Variants in AGBL4 observed in about 807,000 individuals in gnomAD.
The protein encoded by AGBL4 is AGBL carboxypeptidase 4, also known as cytosolic carboxypeptidase 6.
AGBL4 carries 58 observed loss-of-function variants against 66.4 expected under a neutral mutation model. The ratio of observed to expected loss-of-function variants is 0.87; its 90% CI spans 0.71 to 1.09. AGBL4 has a LOEUF of 1.09. Among genes scored for constraint, AGBL4 ranks in the 50% least tolerant of loss-of-function variants. AGBL4 has a pLI of 0.00. For synonymous variants in AGBL4, 234 were observed against 222.9 expected (o/e 1.05, Z -0.44); for missense variants, 579 against 631.0 (o/e 0.92, Z 0.88).
intron 3 of AGBL4, among the ~76,000 whole-genome samples, chr1:49,415,837 A>G (rs184972224): frequency 1.7e-4 from 26 of 152,182 alleles, no homozygotes; most frequent in Non-Finnish European, 3.7e-4. Flanking sequence ...TAATTTGCTG[A>G]AAGTCAGAAG....
chr1:49,957,096 A>G (rs945076692), intron 1 of AGBL4, among the ~76,000 whole-genome samples: 4 of 152,168 alleles, frequency 2.6e-5, no homozygotes, highest in Admixed American at 6.6e-5. Flanking sequence ...TATTACAATG[A>G]TCCAAGTGTA....
At chr1:48,769,098 A>G (rs1030694226) in intron 6 of AGBL4, among the ~76,000 whole-genome samples, 3 of 152,206 alleles carry the variant, frequency 2.0e-5, no homozygotes, top group Admixed American at 6.5e-5. Context: ...AGACTACAGT[A>G]GAAAACCTTA....
At chr1:49,738,130 A>C (rs1379108209) in intron 2 of AGBL4, among the ~76,000 whole-genome samples, 1 of 152,238 alleles carries the variant, frequency 6.6e-6, no homozygotes, top group African/African-American at 2.4e-5. Context: ...CGGGAAGAGA[A>C]AGGGATTAGG....
intron 1 of AGBL4, among the ~76,000 whole-genome samples, chr1:49,953,645 C>CATTTCAG (rs1215556544): frequency 6.6e-6 from 1 of 151,502 alleles, no homozygotes; most frequent in Non-Finnish European, 1.5e-5. Context: ...CTCAATGGAA[C>CATTTCAG]ATTTCAGATT....
intron 3 of AGBL4, among the ~76,000 whole-genome samples, chr1:49,409,795 G>A (rs1482877199): frequency 6.6e-6 from 1 of 152,068 alleles, no homozygotes; most frequent in Admixed American, 6.5e-5. Flanking sequence ...ATGAACAAAA[G>A]TTTCCATTTT....
At chr1:49,555,570 C>CCAAT (rs1450428076) in intron 3 of AGBL4, among the ~76,000 whole-genome samples, 7 of 149,120 alleles carry the variant, frequency 4.7e-5, no homozygotes, top group African/African-American at 1.7e-4. Context: ...TGTAAATGCA[C>CCAAT]CAATCAGTGC....
intron 3 of AGBL4, among the ~76,000 whole-genome samples, chr1:49,651,125 G>T (rs1194349051): frequency 6.6e-6 from 1 of 152,176 alleles, no homozygotes; most frequent in African/African-American, 2.4e-5. Flanking sequence ...AGCCAGAGAG[G>T]TTTATTTCAA....
intron 3 of AGBL4, among the ~76,000 whole-genome samples, chr1:49,582,707 T>G (rs2148885404): frequency 1.3e-5 from 2 of 152,340 alleles, no homozygotes; most frequent in Middle Eastern, 6.8e-3. Flanking sequence ...AGTGTCTTAC[T>G]ATAGCCACTT....
At chr1:48,856,292 A>T (rs1417926127) in intron 6 of AGBL4, among the ~76,000 whole-genome samples, 1 of 152,238 alleles carries the variant, frequency 6.6e-6, no homozygotes, top group African/African-American at 2.4e-5. Context: ...AAAAAGATGT[A>T]TATAAAACTT....
At chr1:48,895,033 C>T (rs565364966) in intron 5 of AGBL4, among the ~76,000 whole-genome samples, 16 of 152,288 alleles carry the variant, frequency 1.1e-4, no homozygotes, top group East Asian at 1.9e-4. Context: ...ACTTAGCAGA[C>T]GTACCTGGGC....
intron 3 of AGBL4, among the ~76,000 whole-genome samples, chr1:49,454,316 A>G (rs1646343227): frequency 6.6e-6 from 1 of 151,780 alleles, no homozygotes; most frequent in South Asian, 2.1e-4. Context: ...GAATGAAGTT[A>G]AAAGGAAGCT....
intron 3 of AGBL4, among the ~76,000 whole-genome samples, chr1:49,266,577 C>A (rs935969520): frequency 6.6e-6 from 1 of 151,376 alleles, no homozygotes; most frequent in African/African-American, 2.4e-5. Context: ...AGACTGGGCC[C>A]TTTGCCCTTA....
At chr1:48,923,270 T>G (rs1654247624) in intron 5 of AGBL4, among the ~76,000 whole-genome samples, 1 of 152,168 alleles carries the variant, frequency 6.6e-6, no homozygotes, top group African/African-American at 2.4e-5. Flanking sequence ...CTCAAACCCA[T>G]GTCATCTCCT....
At chr1:49,919,966 C>A (rs1652027528) in intron 1 of AGBL4, among the ~76,000 whole-genome samples, 1 of 152,090 alleles carries the variant, frequency 6.6e-6, no homozygotes, top group Admixed American at 6.6e-5. Context: ...TTTGACAAAC[C>A]TGACAAAAAC....
intron 5 of AGBL4, among the ~76,000 whole-genome samples, chr1:48,947,074 C>G (rs1321518394): frequency 1.3e-5 from 2 of 152,220 alleles, no homozygotes; most frequent in Non-Finnish European, 2.9e-5. Context: ...ACATGCTTCT[C>G]TCTTTCCTAT....
chr1:49,535,122 C>T (rs1271849431), intron 3 of AGBL4, among the ~76,000 whole-genome samples: 2 of 151,992 alleles, frequency 1.3e-5, no homozygotes, highest in Non-Finnish European at 2.9e-5. Flanking sequence ...ATATTATATG[C>T]ATCAAACAGT....
chr1:48,658,502 C>T (rs756061900), intron 7 of AGBL4, among the ~76,000 whole-genome samples: 3 of 152,138 alleles, frequency 2.0e-5, no homozygotes, highest in African/African-American at 7.2e-5. Flanking sequence ...CCAAGGGCCT[C>T]GAATTATGGA....
At chr1:49,933,230 G>A (rs765732651) in intron 1 of AGBL4, among the ~76,000 whole-genome samples, 4 of 152,022 alleles carry the variant, frequency 2.6e-5, no homozygotes, top group Admixed American at 1.3e-4. Flanking sequence ...AATTTCCCAG[G>A]AGAAATATTG....
intron 11 of AGBL4, chr1:48,583,869 TAAGTA>T (rs1644776690): frequency 6.6e-6 from 1 of 151,180 alleles, no homozygotes. Context: ...TTTTTTTTTT[TAAGTA>T]TTTCAAACAG....
Sources: allele counts gnomAD v4.1 joint callset (sites outside exome capture counted in the v4.1 genomes callset), GRCh38; gene constraint gnomAD v4.1.1; transcripts MANE v1.5; gene names NCBI Gene and HGNC (gene_info 2026-07-23, HGNC 2026-07-21).